The following DCT variants were observed in gnomAD, a reference collection of about 807,000 sequenced individuals.
DCT encodes L-dopachrome tautomerase.
A neutral mutation model predicts 53.0 loss-of-function variants in DCT; 47 were observed. The observed-to-expected ratio is 0.89, with a 90% confidence interval of 0.70 to 1.13. The LOEUF (loss-of-function observed/expected upper bound fraction) is 1.13, where lower values mean the gene tolerates loss of function less well. Ranked by LOEUF, DCT falls within the 50% of genes most tolerant of loss-of-function variation. The pLI, the probability that DCT is intolerant of heterozygous loss-of-function variation, is 0.00. For missense variants in DCT, 669 were observed against 637.4 expected (o/e 1.05, Z -0.53); for synonymous variants, 244 against 237.0 (o/e 1.03, Z -0.27).
the DCT span, among the ~76,000 whole-genome samples, chr13:94,490,454 G>A: frequency 1.5e-5 from 2 of 135,334 alleles, no homozygotes; most frequent in African/African-American, 2.8e-5. Flanking sequence ...GCAGTGAGCC[G>A]AGATTGTGCC....
At position 94,479,063 on chromosome 13, in the gene DCT, G is replaced by T. The variant is rs772275385; in HGVS notation, c.193C>A (p.Arg65=). 1 of 1,614,188 alleles carries T rather than the reference G, an allele frequency of 6.2e-7. No individual in the cohort carries two copies. The highest frequency in any genetic ancestry group is 8.5e-7 in the Non-Finnish European group (1 of 1,180,038). ...CCACTCCAGGGCCTTGTGTCGGCTC[G>T]CACCTCTGTGCACTGCCCCCGGCCT... ...QQGRGQCTEV[R]ADTRPWSGPY... Residue 65 remains arginine (R), a synonymous_variant, in exon 1 of 8, where the codon CGA becomes AGA. Coordinates refer to ENST00000377028, the MANE Select transcript of DCT (RefSeq NM_001922.5).
upstream of DCT, among the ~76,000 whole-genome samples, chr13:94,484,361 C>T (rs1299157138): frequency 6.6e-6 from 1 of 152,204 alleles, no homozygotes; most frequent in African/African-American, 2.4e-5. Context: ...ATTTTTACTG[C>T]ATTTGAAATC....
chr13:94,478,726 T>C (rs947034119), intron 1 of DCT, among the ~76,000 whole-genome samples: 2 of 152,260 alleles, frequency 1.3e-5, no homozygotes, highest in African/African-American at 4.8e-5. Context: ...TGCATTCATA[T>C]AAGCAGGCTT....
chr13:94,457,326 G>A (rs1313026450), intron 6 of DCT, among the ~76,000 whole-genome samples: 1 of 152,082 alleles, frequency 6.6e-6, no homozygotes, highest in East Asian at 1.9e-4. Context: ...ATAGGGCCCT[G>A]GATTAGTGTT....
At chr13:94,466,694 A>C (rs377412449) in intron 2 of DCT, 36 bp from the exon 3 acceptor site, 1 of 1,422,136 alleles carries the variant, frequency 7.0e-7, no homozygotes, top group Admixed American at 2.0e-5. Flanking sequence ...AGATGACAGA[A>C]TAGAATTTTT....
intron 7 of DCT, among the ~76,000 whole-genome samples, chr13:94,442,717 C>A (rs1182074691): frequency 6.6e-6 from 1 of 152,164 alleles, no homozygotes; most frequent in African/African-American, 2.4e-5. Context: ...TCCCACGTAG[C>A]CCAATCTGTT....
the DCT span, among the ~76,000 whole-genome samples, chr13:94,496,170 G>GT: frequency 6.6e-6 from 1 of 152,082 alleles, no homozygotes; most frequent in Non-Finnish European, 1.5e-5. Context: ...GTCTATACTT[G>GT]TTTTTGGAAT....
chr13:94,484,405 T>C (rs1429343826), upstream of DCT, among the ~76,000 whole-genome samples: 4 of 152,270 alleles, frequency 2.6e-5, no homozygotes, highest in Non-Finnish European at 5.9e-5. Context: ...CATATAGCTT[T>C]CACAAGGCTG....
At chr13:94,489,927 T>C in the DCT span, among the ~76,000 whole-genome samples, 117 of 152,364 alleles carry the variant, frequency 7.7e-4, no homozygotes, top group African/African-American at 2.7e-3. Context: ...GTTTTCTTCT[T>C]AGATTCTGCT....
chr13:94,504,601 T>C, the DCT span, among the ~76,000 whole-genome samples: 1 of 152,154 alleles, frequency 6.6e-6, no homozygotes, highest in African/African-American at 2.4e-5. Flanking sequence ...ACTCCTGATC[T>C]CAGGTGATCC....
chr13:94,508,807 G>A, the DCT span, among the ~76,000 whole-genome samples: 3 of 152,328 alleles, frequency 2.0e-5, no homozygotes, highest in Middle Eastern at 6.8e-3. Flanking sequence ...AGGAGATGCT[G>A]CCTCAGAACT....
the DCT span, among the ~76,000 whole-genome samples, chr13:94,491,218 T>C: frequency 6.6e-6 from 1 of 152,162 alleles, no homozygotes; most frequent in African/African-American, 2.4e-5. Flanking sequence ...AAGTCTAAGA[T>C]CAAGGTGTCA....
At chr13:94,456,421 C>T (rs1052582507) in intron 6 of DCT, among the ~76,000 whole-genome samples, 5 of 152,010 alleles carry the variant, frequency 3.3e-5, no homozygotes, top group African/African-American at 4.8e-5. Context: ...GGTTGAGTAA[C>T]AATAATAAAT....
At chr13:94,451,466 T>C (rs1432220283) in intron 6 of DCT, among the ~76,000 whole-genome samples, 1 of 152,234 alleles carries the variant, frequency 6.6e-6, no homozygotes, top group African/African-American at 2.4e-5. Context: ...GGGGAGATTT[T>C]TGAATAGGAA....
the DCT span, among the ~76,000 whole-genome samples, chr13:94,514,919 C>T: frequency 0.017 from 2,649 of 152,262 alleles, 81 homozygotes; most frequent in African/African-American, 0.061. Flanking sequence ...ACTTCTTGCC[C>T]AAATGCATAT....
chr13:94,452,991 A>T (rs1883194331), intron 6 of DCT, among the ~76,000 whole-genome samples: 1 of 152,176 alleles, frequency 6.6e-6, no homozygotes, highest in Non-Finnish European at 1.5e-5. Flanking sequence ...TACATTTTAT[A>T]TTTTGAATCT....
chr13:94,456,795 T>G (rs1000922519), intron 6 of DCT, among the ~76,000 whole-genome samples: 1 of 152,234 alleles, frequency 6.6e-6, no homozygotes, highest in African/African-American at 2.4e-5. Context: ...GTAAAACTGA[T>G]TGACTTGTAA....
At chr13:94,449,684 G>A (rs1459548067) in intron 6 of DCT, among the ~76,000 whole-genome samples, 4 of 152,194 alleles carry the variant, frequency 2.6e-5, no homozygotes, top group Admixed American at 2.6e-4. Context: ...TTTTAAATGA[G>A]AGAATTCCTA....
At chr13:94,450,424 C>T (rs573944412) in intron 6 of DCT, among the ~76,000 whole-genome samples, 8 of 152,128 alleles carry the variant, frequency 5.3e-5, no homozygotes, top group African/African-American at 1.9e-4. Context: ...TTTATAGCAC[C>T]CTGGGCAGGC....
Sources: allele counts gnomAD v4.1 joint callset (sites outside exome capture counted in the v4.1 genomes callset), GRCh38; gene constraint gnomAD v4.1.1; transcripts MANE v1.5; gene names NCBI Gene and HGNC (gene_info 2026-07-23, HGNC 2026-07-21).